LARGE1: variants seen among roughly 807,000 people sequenced by gnomAD.
LARGE1 encodes LARGE xylosyl- and glucuronyltransferase 1, also known as xylosyl- and glucuronyltransferase LARGE1.
LARGE1 carries 43 observed loss-of-function variants against 87.6 expected under a neutral mutation model. That is an observed-to-expected ratio of 0.49 (90% CI 0.38 to 0.63). The LOEUF is 0.63. Among genes scored for constraint, LARGE1 ranks in the 30% least tolerant of loss-of-function variants. The pLI, the probability that LARGE1 is intolerant of heterozygous loss-of-function variation, is 0.00. For missense variants in LARGE1, 802 were observed against 1,000.2 expected, an observed-to-expected ratio of 0.80 and a Z score of 2.67; for synonymous variants, 434 against 394.6, an observed-to-expected ratio of 1.10 and a Z score of -1.18.
chr22:33,703,442 T>C lies in LARGE1; in HGVS notation c.107-52774A>G, dbSNP rs568658074. Among the ~76,000 whole-genome samples, 28 of 152,008 alleles carry C rather than the reference T, an allele frequency of 1.8e-4. 1 individual carries two copies. In the South Asian group the frequency reaches 5.8e-3, roughly 32 times the overall value. On this transcript the variant is annotated intron_variant, in intron 2 of 14. Coordinates refer to ENST00000397394, the MANE Select transcript of LARGE1 (RefSeq NM_133642.5). ...ATGCCCCCCAAAGATTACCTCCTGA[T>C]AATTCCTGAAATTTGTGAGTATCAC...
chr22:33,546,586 A>C (rs2077366360), intron 6 of LARGE1, among the ~76,000 whole-genome samples: 1 of 151,756 alleles, frequency 6.6e-6, no homozygotes, highest in African/African-American at 2.4e-5. Flanking sequence ...TCTTTTTTTA[A>C]ATTTTTTATT....
At chr22:33,452,631 G>A (rs1006555747) in intron 6 of LARGE1, among the ~76,000 whole-genome samples, 3 of 152,166 alleles carry the variant, frequency 2.0e-5, no homozygotes, top group African/African-American at 7.2e-5. Flanking sequence ...AGAATGAATC[G>A]GTGAGGAAGG....
chr22:33,521,497 C>T (rs1427928627), intron 6 of LARGE1, among the ~76,000 whole-genome samples: 1 of 152,128 alleles, frequency 6.6e-6, no homozygotes, highest in Admixed American at 6.5e-5. Flanking sequence ...GCAGGGGGAG[C>T]CCCAGTGCTC....
At chr22:33,649,601 A>G (rs1196764747) in intron 3 of LARGE1, among the ~76,000 whole-genome samples, 1 of 152,192 alleles carries the variant, frequency 6.6e-6, no homozygotes, top group Non-Finnish European at 1.5e-5. Flanking sequence ...AAGTTATGCA[A>G]CTGGATCAAG....
chr22:33,482,912 G>A (rs1245696515), intron 6 of LARGE1, among the ~76,000 whole-genome samples: 1 of 152,132 alleles, frequency 6.6e-6, no homozygotes, highest in Admixed American at 6.6e-5. Context: ...CAGGAAGGTG[G>A]GGGTACAAAT....
chr22:33,342,678 C>A (rs1939292888), intron 9 of LARGE1, among the ~76,000 whole-genome samples: 1 of 152,156 alleles, frequency 6.6e-6, no homozygotes, highest in Admixed American at 6.5e-5. Context: ...TCTCCTGGTG[C>A]CCCACAACCC....
intron 5 of LARGE1, among the ~76,000 whole-genome samples, chr22:33,596,684 G>C (rs2078984545): frequency 6.6e-6 from 1 of 151,518 alleles, no homozygotes. Flanking sequence ...GAAGAGGAAG[G>C]GTTGACATGG....
intron 1 of LARGE1, among the ~76,000 whole-genome samples, chr22:33,908,890 A>C (rs1007266101): frequency 3.9e-5 from 6 of 152,182 alleles, no homozygotes; most frequent in Non-Finnish European, 7.4e-5. Flanking sequence ...TTTTAAGGTG[A>C]ATCCAGAACC....
chr22:33,420,354 C>T lies in LARGE1; in HGVS notation c.892+11807G>A, dbSNP rs573118947. ...CAGTGAAATTGACAGAAAAAAATTA[C>T]TACCTTTGAGGAACTTATATCCTCA... On this transcript the variant is annotated intron_variant, in intron 7 of 14. Coordinates refer to ENST00000397394, the MANE Select transcript of LARGE1 (RefSeq NM_133642.5). Among the ~76,000 whole-genome samples, 11 of 152,202 alleles carry T rather than the reference C, an allele frequency of 7.2e-5. No homozygotes were observed. The South Asian group carries it at 2.3e-3, about 32-fold the overall frequency.
At chr22:33,526,977 C>T (rs568075096) in intron 6 of LARGE1, among the ~76,000 whole-genome samples, 8 of 152,324 alleles carry the variant, frequency 5.3e-5, no homozygotes, top group Non-Finnish European at 1.0e-4. Flanking sequence ...GAAATTCCGG[C>T]TGGGTGCAGT....
rs114162286 is a variant in LARGE1 at position 33,395,774 on chromosome 22, C to G, written c.893-11470G>C. Among the ~76,000 whole-genome samples the G allele has an allele frequency of 9.0e-3, 1,364 of 152,286 alleles. 21 individuals carry two copies. The highest frequency in any genetic ancestry group is 0.031 in the African/African-American group (1,286 of 41,538). ...TTATTCCTAAACTCAGTACTTCTCA[C>G]AGTGTATGATGTAGCATTCTGTAGG... On this transcript the variant is annotated intron_variant, in intron 7 of 14. Coordinates refer to ENST00000397394, the MANE Select transcript of LARGE1 (RefSeq NM_133642.5).
intron 11 of LARGE1, among the ~76,000 whole-genome samples, chr22:33,187,241 C>T (rs75964854): frequency 0.012 from 1,889 of 152,234 alleles, 13 homozygotes; most frequent in Non-Finnish European, 0.02. Context: ...AATCAAACTA[C>T]GTGCACATCA....
intron 11 of LARGE1, among the ~76,000 whole-genome samples, chr22:33,183,742 A>T (rs953125770): frequency 6.6e-6 from 1 of 152,014 alleles, no homozygotes; most frequent in African/African-American, 2.4e-5. Context: ...CAGACACAGA[A>T]AGGTGAGTAC....
intron 6 of LARGE1, among the ~76,000 whole-genome samples, chr22:33,473,137 A>G (rs2068919104): frequency 6.6e-6 from 1 of 152,064 alleles, no homozygotes; most frequent in Non-Finnish European, 1.5e-5. Context: ...ATACTTTCAA[A>G]ATGATACAAC....
intron 7 of LARGE1, among the ~76,000 whole-genome samples, chr22:33,411,978 G>A (rs2066318447): frequency 6.6e-6 from 1 of 152,102 alleles, no homozygotes; most frequent in Non-Finnish European, 1.5e-5. Context: ...TTACTTTCAG[G>A]GAATGTGAAA....
At chr22:33,365,765 C>T (rs769945593) in intron 9 of LARGE1, among the ~76,000 whole-genome samples, 9 of 151,968 alleles carry the variant, frequency 5.9e-5, no homozygotes, top group East Asian at 1.9e-4. Context: ...TACAGGCATG[C>T]GCCACCACGT....
intron 2 of LARGE1, among the ~76,000 whole-genome samples, chr22:33,708,816 G>A (rs1043063013): frequency 2.6e-5 from 4 of 152,150 alleles, no homozygotes; most frequent in Non-Finnish European, 4.4e-5. Flanking sequence ...GGTCAGGCTG[G>A]TCTCGAACTC....
At chr22:33,259,907 T>C (rs1927529510) in intron 11 of LARGE1, among the ~76,000 whole-genome samples, 1 of 152,208 alleles carries the variant, frequency 6.6e-6, no homozygotes, top group Non-Finnish European at 1.5e-5. Flanking sequence ...TTGCTGACCC[T>C]GGAGAGACTG....
rs373512156 is a variant in LARGE1, at chr22:33,555,440, G to C, written c.787+9408C>G. 5.9e-5 allele frequency among the ~76,000 whole-genome samples: 9 copies of C among 152,248 alleles called. No homozygotes were observed. In the East Asian group the frequency reaches 9.6e-4, roughly 16 times the overall value. ...ATATGAAAGAGCAGTAGAGAAAAAT[G>C]GGATGGTGTCTCAGGCTTTAGGATT... On this transcript the variant is annotated intron_variant, in intron 6 of 14. Transcript: ENST00000397394.
Sources: allele counts gnomAD v4.1 joint callset (sites outside exome capture counted in the v4.1 genomes callset), GRCh38; gene constraint gnomAD v4.1.1; transcripts MANE v1.5; gene names NCBI Gene and HGNC (gene_info 2026-07-23, HGNC 2026-07-21).